The following DPP10 variants were observed in gnomAD, a reference collection of about 807,000 sequenced individuals.
DPP10 encodes inactive dipeptidyl peptidase 10.
Under a neutral mutation model 120.9 loss-of-function variants are expected in DPP10, and 33 were observed. That is an observed-to-expected ratio of 0.27 (90% CI 0.21 to 0.37). DPP10 has a LOEUF of 0.37. DPP10 is among the 10% of genes least tolerant of loss of function. The pLI is 1.00. For synonymous variants in DPP10, 337 were observed against 326.1 expected, an observed-to-expected ratio of 1.03 and a Z score of -0.36; for missense variants, 816 against 942.8, an observed-to-expected ratio of 0.87 and a Z score of 1.76.
In DPP10 at chr2:114,834,851, A is replaced by ACACCTATGTATATATAAGCCATGTCTACC. The variant is rs1186589072; in HGVS notation, c.60+392027_60+392028insTAAGCCATGTCTACCCACCTATGTATATA. ...CTATGTATATATAAGCCATGTCTAC[A>ACACCTATGTATATATAAGCCATGTCTACC]CACCTATGTATATAAAAGACATATC... On this transcript the variant is annotated intron_variant, in intron 1 of 25. Transcript: ENST00000410059. Among the ~76,000 whole-genome samples, 550 of 117,088 alleles carry ACACCTATGTATATATAAGCCATGTCTACC rather than the reference A, an allele frequency of 4.7e-3. 50 individuals are homozygous for ACACCTATGTATATATAAGCCATGTCTACC. Among genetic ancestry groups the ACACCTATGTATATATAAGCCATGTCTACC allele is most frequent in the South Asian group, 7.0e-3 (31 of 4,424 alleles). 76.8% of individuals were successfully genotyped at this position (117,088 alleles called of 152,430 possible).
At chr2:115,395,859 T>A (rs967966679) in intron 3 of DPP10, among the ~76,000 whole-genome samples, 1 of 152,108 alleles carries the variant, frequency 6.6e-6, no homozygotes, top group Non-Finnish European at 1.5e-5. Flanking sequence ...TTATTTTGTA[T>A]CTTCATATGT....
intron 1 of DPP10, among the ~76,000 whole-genome samples, chr2:114,602,052 T>A (rs1276192637): frequency 6.6e-6 from 1 of 151,982 alleles, no homozygotes; most frequent in East Asian, 1.9e-4. Context: ...TTTCTTGTGT[T>A]ATTTGGTTTG....
chr2:115,102,186 G>C (rs574214361), intron 1 of DPP10, among the ~76,000 whole-genome samples: 1 of 152,258 alleles, frequency 6.6e-6, no homozygotes, highest in South Asian at 2.1e-4. Flanking sequence ...CCTTCTCACT[G>C]TGTCCTCACA....
intron 1 of DPP10, among the ~76,000 whole-genome samples, chr2:115,027,988 T>C (rs1703585921): frequency 6.6e-6 from 1 of 152,110 alleles, no homozygotes; most frequent in Admixed American, 6.5e-5. Flanking sequence ...CTTAATTGGG[T>C]CTACTCTTTT....
At chr2:114,460,213 CT>C (rs963490931) in intron 1 of DPP10, among the ~76,000 whole-genome samples, 6 of 129,648 alleles carry the variant, frequency 4.6e-5, no homozygotes, top group African/African-American at 1.1e-4. Flanking sequence ...ATCTATCTAT[CT>C]ATCTATCTAT....
At chr2:115,162,732 C>T (rs2052517931) in intron 1 of DPP10, among the ~76,000 whole-genome samples, 1 of 152,118 alleles carries the variant, frequency 6.6e-6, no homozygotes, top group Admixed American at 6.5e-5. Flanking sequence ...AGGGTTATTC[C>T]TGTCTCTTTC....
chr2:115,473,652 T>C (rs944655539), intron 3 of DPP10, among the ~76,000 whole-genome samples: 2 of 152,224 alleles, frequency 1.3e-5, no homozygotes, highest in African/African-American at 4.8e-5. Context: ...ATGGAGAATA[T>C]GTAGGAGCAT....
In DPP10 at chr2:114,870,739, G is replaced by A. The variant is rs562262071; in HGVS notation, c.60+427901G>A. Among the ~76,000 whole-genome samples the A allele has an allele frequency of 5.6e-4, 76 of 135,592 alleles. 12 individuals carry two copies. Among genetic ancestry groups the A allele is most frequent in the African/African-American group, 1.9e-3 (74 of 39,054 alleles). The allele number at this position is 135,592 out of a possible 152,430, so 89.0% of individuals were successfully genotyped here. A position where few individuals can be genotyped will look rare whatever the true frequency, so the allele number is the denominator to read the frequency against. On this transcript the variant is annotated intron_variant, in intron 1 of 25. Coordinates refer to ENST00000410059, the MANE Select transcript of DPP10 (RefSeq NM_020868.6). ...AGGTAAGATAAGATTTACAAATAAT[G>A]GAATATCTTTATTAACCCATGGAAC...
At chr2:114,450,472 C>T (rs1400079878) in intron 1 of DPP10, among the ~76,000 whole-genome samples, 3 of 151,820 alleles carry the variant, frequency 2.0e-5, no homozygotes, top group East Asian at 3.9e-4. Context: ...CTAATATCTG[C>T]CACATAGCAG....
At chr2:114,556,238 T>C (rs1440914809) in intron 1 of DPP10, among the ~76,000 whole-genome samples, 1 of 55,438 alleles carries the variant, frequency 1.8e-5, no homozygotes, top group South Asian at 4.8e-4. Flanking sequence ...ATGATACATA[T>C]ATATATATAT....
At chr2:115,746,292 A>G in intron 10 of DPP10, 109 bp downstream of exon 10, 4 of 981,256 alleles carry the variant, frequency 4.1e-6, no homozygotes, top group Non-Finnish European at 6.2e-6. Flanking sequence ...TCCACTTGAA[A>G]ATAAAGCTGA....
chr2:114,897,321 C>T (rs1445800726), intron 1 of DPP10, among the ~76,000 whole-genome samples: 1 of 152,128 alleles, frequency 6.6e-6, no homozygotes, highest in Non-Finnish European at 1.5e-5. Context: ...GTACCAGTTC[C>T]TCCTTGTACC....
chr2:115,547,249 A>C (rs2079561509), intron 5 of DPP10, among the ~76,000 whole-genome samples: 1 of 152,176 alleles, frequency 6.6e-6, no homozygotes, highest in Non-Finnish European at 1.5e-5. Flanking sequence ...TTTAAAAGCT[A>C]TCTGGCAATA....
At chr2:114,904,952 G>A (rs1473858896) in intron 1 of DPP10, among the ~76,000 whole-genome samples, 1 of 152,174 alleles carries the variant, frequency 6.6e-6, no homozygotes, top group Non-Finnish European at 1.5e-5. Flanking sequence ...GAGACCCTAA[G>A]AACAGGATCA....
intron 3 of DPP10, among the ~76,000 whole-genome samples, chr2:115,375,874 T>C (rs1041911203): frequency 1.3e-5 from 2 of 152,190 alleles, no homozygotes; most frequent in African/African-American, 4.8e-5. Context: ...TCCACACCCA[T>C]GATCCAGTCA....
chr2:115,702,756 A>C (rs1389959937), intron 7 of DPP10, among the ~76,000 whole-genome samples: 3 of 152,082 alleles, frequency 2.0e-5, no homozygotes, highest in African/African-American at 4.8e-5. Context: ...AGATAATGCA[A>C]ATTTTATAAA....
intron 1 of DPP10, among the ~76,000 whole-genome samples, chr2:114,671,521 T>G (rs1428674468): frequency 6.6e-6 from 1 of 152,118 alleles, no homozygotes; most frequent in Non-Finnish European, 1.5e-5. Context: ...AATAAACCTC[T>G]TTTCTTTATA....
At chr2:115,677,504 C>T (rs1005978891) in intron 5 of DPP10, among the ~76,000 whole-genome samples, 3 of 152,040 alleles carry the variant, frequency 2.0e-5, no homozygotes, top group African/African-American at 4.8e-5. Context: ...AAAAACAAGA[C>T]TCAACTATAT....
chr2:115,508,598 A>G (rs533692577), intron 4 of DPP10, among the ~76,000 whole-genome samples: 1 of 152,262 alleles, frequency 6.6e-6, no homozygotes, highest in African/African-American at 2.4e-5. Flanking sequence ...AAGTCACGGA[A>G]AGCTTTCCTA....
Sources: allele counts gnomAD v4.1 joint callset (sites outside exome capture counted in the v4.1 genomes callset), GRCh38; gene constraint gnomAD v4.1.1; transcripts MANE v1.5; gene names NCBI Gene and HGNC (gene_info 2026-07-23, HGNC 2026-07-21).